Variants in ABCB5 observed in about 807,000 individuals in gnomAD.
ABCB5 encodes ATP-binding cassette sub-family B member 5.
ABCB5 carries 155 observed loss-of-function variants against 144.2 expected under a neutral mutation model. The observed-to-expected ratio is 1.08, with a 90% CI of 0.94 to 1.23. ABCB5 has a LOEUF of 1.23. Ranked by LOEUF, ABCB5 falls within the 50% of genes most tolerant of loss-of-function variation. The pLI, the probability that ABCB5 is intolerant of heterozygous loss-of-function variation, is 0.00. For synonymous variants in ABCB5, 610 were observed against 528.6 expected (o/e 1.15, Z -2.11); for missense variants, 1,830 against 1,520.8 (o/e 1.20, Z -3.38).
intron 23 of ABCB5, among the ~76,000 whole-genome samples, chr7:20,733,419 A>G (rs1489440727): frequency 2.0e-5 from 3 of 152,216 alleles, no homozygotes; most frequent in African/African-American, 4.8e-5. Context: ...CTGGCCTACC[A>G]TACTTCCTGA....
intron 20 of ABCB5, among the ~76,000 whole-genome samples, chr7:20,717,307 G>A (rs1781705048): frequency 2.0e-5 from 3 of 152,116 alleles, no homozygotes; most frequent in Admixed American, 6.6e-5. Context: ...CTGGAAGCTA[G>A]AAGCCCAAGA....
chr7:20,740,234 G>C (rs1782520471), intron 24 of ABCB5, among the ~76,000 whole-genome samples: 1 of 152,022 alleles, frequency 6.6e-6, no homozygotes, highest in South Asian at 2.1e-4. Context: ...AGCGAGACTT[G>C]CTCTCAAAAA....
At chr7:20,696,325 TA>T (rs1365670501) in intron 16 of ABCB5, among the ~76,000 whole-genome samples, 1 of 152,088 alleles carries the variant, frequency 6.6e-6, no homozygotes, top group African/African-American at 2.4e-5. Context: ...AAGGAGTAGA[TA>T]ATGTATGATT....
chr7:20,659,391 AGC>A lies in ABCB5; in HGVS notation c.1707+717_1707+718del, dbSNP rs199599641. 5 of 1,208,978 alleles carry A rather than the reference AGC, an allele frequency of 4.1e-6. No individual in the cohort carries two copies. The South Asian group carries it at 1.2e-4, about 28-fold the overall frequency. 74.9% of individuals were successfully genotyped at this position (1,208,978 alleles called of 1,614,324 possible). ...TTTGCATTTGCTTGGAAGTGAGTTA[AGC>A]GTTTTTTTTTCTCTAAGAAAATCGC... On this transcript the variant is annotated intron_variant, in intron 14 of 27. Coordinates refer to ENST00000404938, the MANE Select transcript of ABCB5 (RefSeq NM_001163941.2).
intron 7 of ABCB5, among the ~76,000 whole-genome samples, chr7:20,644,193 C>T (rs1004444933): frequency 6.6e-6 from 1 of 151,966 alleles, no homozygotes; most frequent in Non-Finnish European, 1.5e-5. Flanking sequence ...TCAAGTCATC[C>T]TCCCATCTCA....
chr7:20,727,624 A>G (rs993453905), intron 22 of ABCB5, among the ~76,000 whole-genome samples: 3 of 152,156 alleles, frequency 2.0e-5, no homozygotes, highest in African/African-American at 7.2e-5. Context: ...AGTCCCAGCT[A>G]CTTGGAGGCT....
chr7:20,669,344 G>C (rs891346602), intron 14 of ABCB5, among the ~76,000 whole-genome samples: 1 of 147,178 alleles, frequency 6.8e-6, no homozygotes, highest in Non-Finnish European at 1.5e-5. Context: ...TGTGTGGATA[G>C]AAGTAGACAT....
chr7:20,687,498 C>T (rs1054324123), intron 16 of ABCB5, among the ~76,000 whole-genome samples: 3 of 152,158 alleles, frequency 2.0e-5, no homozygotes, highest in Non-Finnish European at 2.9e-5. Context: ...GTGAGCTGGA[C>T]AATAGTCACA....
At chr7:20,625,584 G>C (rs1051604554) in intron 2 of ABCB5, among the ~76,000 whole-genome samples, 24 of 152,162 alleles carry the variant, frequency 1.6e-4, no homozygotes, top group African/African-American at 5.8e-4. Context: ...TGTTACTAAA[G>C]GTTAAAAATT....
intron 26 of ABCB5, among the ~76,000 whole-genome samples, chr7:20,746,031 G>A (rs1046482269): frequency 6.6e-6 from 1 of 152,126 alleles, no homozygotes; most frequent in Non-Finnish European, 1.5e-5. Flanking sequence ...CCCCACCTTA[G>A]GACATTTGCG....
At chr7:20,708,621 A>G (rs954405613) in intron 20 of ABCB5, among the ~76,000 whole-genome samples, 3 of 152,176 alleles carry the variant, frequency 2.0e-5, no homozygotes, top group South Asian at 2.1e-4. Flanking sequence ...CTTGACAAAA[A>G]CTCACAAAAA....
chr7:20,650,130 G>C lies in ABCB5; in HGVS notation c.1315G>C (p.Asp439His), dbSNP rs776087695. ...AGTCCAGCTTCTGCAGAGGTTATAT[G>C]ATCCGGATGATGGCTTTGTAAGTGC... ...TVVQLLQRLYDPDDGFIMVDE... is the reference protein window; with the variant it reads ...TVVQLLQRLYHPDDGFIMVDE... The change falls in exon 12 of 28, where the codon GAT becomes CAT. Residue 439 changes from aspartate (D) to histidine (H), a missense_variant. Transcript: ENST00000404938. 1.2e-6 allele frequency: 2 copies of C among 1,613,494 alleles called. No homozygotes were observed. The highest frequency in any genetic ancestry group is 1.7e-4 in the Middle Eastern group (1 of 6,058).
chr7:20,686,878 C>A (rs1214166856), intron 16 of ABCB5, among the ~76,000 whole-genome samples: 1 of 152,084 alleles, frequency 6.6e-6, no homozygotes, highest in Admixed American at 6.6e-5. Context: ...TGCCTGAAGC[C>A]CCTGGATTAT....
chr7:20,745,362 G>T lies in ABCB5; in HGVS notation c.3353G>T (p.Arg1118Leu), dbSNP rs747248780. The T allele has an allele frequency of 6.2e-7, 1 of 1,614,160 alleles. No homozygotes were observed. Among genetic ancestry groups the T allele is most frequent in the Non-Finnish European group, 8.5e-7 (1 of 1,180,022 alleles). ...AENIAYGDNS[R>L]VVPLDEIKEA... is the part of the protein sequence containing the mutation. ...AACATCGCCTATGGTGACAACAGCC[G>T]TGTGGTGCCATTAGATGAGATCAAA... Residue 1118 changes from arginine to leucine, a missense_variant, in exon 26 of 28, where the codon CGT becomes CTT. By Grantham distance (102) the Arg-to-Leu change is moderately radical. Coordinates refer to ENST00000404938, the MANE Select transcript of ABCB5 (RefSeq NM_001163941.2).
chr7:20,752,038 C>T (rs1782948220), intron 26 of ABCB5, among the ~76,000 whole-genome samples: 1 of 152,232 alleles, frequency 6.6e-6, no homozygotes, highest in African/African-American at 2.4e-5. Flanking sequence ...GTGACACCAA[C>T]TCTGTCCAAA....
At chr7:20,748,192 G>T (rs1462148503) in intron 26 of ABCB5, among the ~76,000 whole-genome samples, 1 of 152,150 alleles carries the variant, frequency 6.6e-6, no homozygotes, top group Non-Finnish European at 1.5e-5. Context: ...AGGTGCCCTT[G>T]CTCCTCCCTT....
intron 5 of ABCB5, among the ~76,000 whole-genome samples, chr7:20,638,631 C>T (rs899921521): frequency 6.6e-6 from 1 of 152,170 alleles, no homozygotes; most frequent in African/African-American, 2.4e-5. Flanking sequence ...TTGTACCTGG[C>T]TTCTTTTGTT....
intron 20 of ABCB5, among the ~76,000 whole-genome samples, chr7:20,706,866 G>A (rs10269226): frequency 0.86 from 131,396 of 152,194 alleles, 56,775 homozygotes; most frequent in Admixed American, 0.9. Flanking sequence ...TAAAAATTAA[G>A]TTAATGAATA....
chr7:20,634,976 C>G (rs1432831854), intron 5 of ABCB5, among the ~76,000 whole-genome samples: 1 of 152,090 alleles, frequency 6.6e-6, no homozygotes, highest in Non-Finnish European at 1.5e-5. Flanking sequence ...AATACTTTGT[C>G]AAGGCCAATG....
Sources: allele counts gnomAD v4.1 joint callset (sites outside exome capture counted in the v4.1 genomes callset), GRCh38; gene constraint gnomAD v4.1.1; transcripts MANE v1.5; gene names NCBI Gene and HGNC (gene_info 2026-07-23, HGNC 2026-07-21).